Variants in NALF1 observed in about 807,000 individuals in gnomAD.
NALF1 encodes NALCN channel auxiliary factor 1, also known as family with sequence similarity 155 member A.
Under a neutral mutation model 48.4 loss-of-function variants are expected in NALF1, and 3 were observed. That is an observed-to-expected ratio of 0.06 (90% CI 0.03 to 0.16). NALF1 has a LOEUF of 0.16. NALF1 is among the 10% of genes least tolerant of loss of function. The pLI is 1.00. For synonymous variants in NALF1, 262 were observed against 245.7 expected, an observed-to-expected ratio of 1.07 and a Z score of -0.62; for missense variants, 526 against 571.5, an observed-to-expected ratio of 0.92 and a Z score of 0.81.
At chr13:107,242,559 T>C (rs752689662) in intron 1 of NALF1, among the ~76,000 whole-genome samples, 1 of 152,234 alleles carries the variant, frequency 6.6e-6, no homozygotes, top group Admixed American at 6.5e-5. Context: ...TTATGAATGA[T>C]ATGTTTTGAA....
intron 1 of NALF1, among the ~76,000 whole-genome samples, chr13:107,365,586 T>A (rs1044491675): frequency 6.6e-6 from 1 of 152,170 alleles, no homozygotes; most frequent in African/African-American, 2.4e-5. Context: ...ATGGTCCTTA[T>A]CAAAACTTAC....
chr13:107,395,065 T>C (rs1042087924), intron 1 of NALF1, among the ~76,000 whole-genome samples: 1 of 152,166 alleles, frequency 6.6e-6, no homozygotes, highest in African/African-American at 2.4e-5. Context: ...GTCCCCTTGC[T>C]AAAGAAATTA....
At chr13:107,171,966 T>C (rs1264744282) in intron 2 of NALF1, among the ~76,000 whole-genome samples, 1 of 152,214 alleles carries the variant, frequency 6.6e-6, no homozygotes, top group Admixed American at 6.5e-5. Context: ...TGAAAAACAA[T>C]AGTTATCAAT....
intron 1 of NALF1, among the ~76,000 whole-genome samples, chr13:107,642,318 A>G (rs1394456228): frequency 6.6e-6 from 1 of 152,198 alleles, no homozygotes; most frequent in East Asian, 1.9e-4. Flanking sequence ...TGCCCACACA[A>G]TAAGAATATA....
At chr13:107,632,878 T>C (rs1314406250) in intron 1 of NALF1, among the ~76,000 whole-genome samples, 1 of 136,070 alleles carries the variant, frequency 7.3e-6, no homozygotes, top group Non-Finnish European at 1.6e-5. Context: ...AAGACGGAAA[T>C]GAAGGCAGAA....
Position 107,651,621 on chromosome 13 carries a change from G to A in NALF1, c.915+214061C>T, listed in dbSNP as rs145991921. 7.4e-4 allele frequency among the ~76,000 whole-genome samples: 113 copies of A among 152,250 alleles called. No homozygotes were observed. The East Asian group carries it at 0.017, about 22-fold the overall frequency. ...TGGAGTATTAATTAGTTTTGAAATG[G>A]AGCAGACATTTCAGCTTACTTAACT... is the stretch of plus-strand genomic sequence containing the variant. On this transcript the variant is annotated intron_variant, in intron 1 of 2. Transcript: ENST00000375915.
Position 107,509,475 on chromosome 13 carries a change from G to A in NALF1, c.916-298720C>T, listed in dbSNP as rs565373281. Reference sequence around the variant, plus strand: ...GATTTAAATAGAAATCCAGATGTTAGAAAAATGGGTCTTTGAATATTCAGT... The same window carrying A: ...GATTTAAATAGAAATCCAGATGTTAAAAAAATGGGTCTTTGAATATTCAGT... On this transcript the variant is annotated intron_variant, in intron 1 of 2. Coordinates refer to ENST00000375915, the MANE Select transcript of NALF1 (RefSeq NM_001080396.3). Among the ~76,000 whole-genome samples the A allele has an allele frequency of 5.6e-4, 86 of 152,262 alleles. 3 individuals are homozygous for A. The highest frequency in any genetic ancestry group is 2.0e-3 in the African/African-American group (84 of 41,562).
At chr13:107,360,776 C>T (rs182024521) in intron 1 of NALF1, among the ~76,000 whole-genome samples, 1 of 152,290 alleles carries the variant, frequency 6.6e-6, no homozygotes, top group Admixed American at 6.5e-5. Context: ...CTTGTTCAAA[C>T]TAGAATGCAA....
At chr13:107,612,116 AGGG>A (rs1179688282) in intron 1 of NALF1, among the ~76,000 whole-genome samples, 1 of 27,606 alleles carries the variant, frequency 3.6e-5, no homozygotes, top group African/African-American at 1.6e-4. Flanking sequence ...GAGGAAGGGG[AGGG>A]GGGAGGGGAG....
rs544872621 is a variant in NALF1 at position 107,583,069 on chromosome 13, T to C, written c.915+282613A>G. On this transcript the variant is annotated intron_variant, in intron 1 of 2. Transcript: ENST00000375915. Reference sequence around the variant, plus strand: ...TAGGAGTAGGACTAGTTTCATCATTTACAGGAACACTTCTTGAAAGATTTC... The same window carrying C: ...TAGGAGTAGGACTAGTTTCATCATTCACAGGAACACTTCTTGAAAGATTTC... 6.6e-5 allele frequency among the ~76,000 whole-genome samples: 10 copies of C among 152,292 alleles called. No individual in the cohort carries two copies. The South Asian group carries it at 1.2e-3, about 19-fold the overall frequency.
At chr13:107,357,231 A>T (rs1380749571) in intron 1 of NALF1, among the ~76,000 whole-genome samples, 4 of 152,182 alleles carry the variant, frequency 2.6e-5, no homozygotes, top group Non-Finnish European at 5.9e-5. Flanking sequence ...CAGAAGGCAA[A>T]CGGGAAGCAA....
intron 1 of NALF1, among the ~76,000 whole-genome samples, chr13:107,827,279 T>C (rs1012761203): frequency 2.0e-5 from 3 of 152,260 alleles, no homozygotes; most frequent in Non-Finnish European, 4.4e-5. Flanking sequence ...TGTAGTCTTC[T>C]CAACTAAACT....
At chr13:107,704,575 C>A (rs1211020511) in intron 1 of NALF1, among the ~76,000 whole-genome samples, 2 of 151,914 alleles carry the variant, frequency 1.3e-5, no homozygotes, top group Non-Finnish European at 2.9e-5. Flanking sequence ...TATTTTGAGC[C>A]AGTTTTATAC....
intron 1 of NALF1, among the ~76,000 whole-genome samples, chr13:107,523,791 G>A (rs1876334093): frequency 6.6e-6 from 1 of 152,042 alleles, no homozygotes; most frequent in Non-Finnish European, 1.5e-5. Flanking sequence ...TCCCTAAAAT[G>A]AGGATTGATT....
intron 1 of NALF1, among the ~76,000 whole-genome samples, chr13:107,592,628 G>T (rs1878630138): frequency 6.6e-6 from 1 of 151,816 alleles, no homozygotes; most frequent in African/African-American, 2.4e-5. Flanking sequence ...CCTTGATTCA[G>T]CTTAACCTAG....
intron 1 of NALF1, among the ~76,000 whole-genome samples, chr13:107,511,923 C>T (rs1268890979): frequency 1.3e-5 from 2 of 152,234 alleles, no homozygotes; most frequent in African/African-American, 2.4e-5. Flanking sequence ...TTACCCCAAG[C>T]ACATCACCTT....
At chr13:107,330,493 G>A (rs1230223777) in intron 1 of NALF1, among the ~76,000 whole-genome samples, 1 of 152,154 alleles carries the variant, frequency 6.6e-6, no homozygotes, top group Non-Finnish European at 1.5e-5. Context: ...CATCTTGGTA[G>A]CTATTAAAGT....
chr13:107,467,730 C>G (rs1236178471), intron 1 of NALF1, among the ~76,000 whole-genome samples: 1 of 152,136 alleles, frequency 6.6e-6, no homozygotes, highest in Non-Finnish European at 1.5e-5. Flanking sequence ...AATTCTTATA[C>G]GATTTACAAT....
rs187386283 is a variant in NALF1, at chr13:107,402,619, T to C, written c.916-191864A>G. ...ACATGGTTTTAACTTATGTGTATGTTAGCTGGAGGTATTCTGCATCATTAA... is the reference window on the plus strand; with the variant it reads ...ACATGGTTTTAACTTATGTGTATGTCAGCTGGAGGTATTCTGCATCATTAA... On this transcript the variant is annotated intron_variant, in intron 1 of 2. Transcript: ENST00000375915. 4.6e-5 allele frequency among the ~76,000 whole-genome samples: 7 copies of C among 152,318 alleles called. No homozygotes were observed. In the East Asian group the frequency reaches 1.4e-3, roughly 29 times the overall value.
Sources: gnomAD v4.1 joint callset for allele counts (sites outside exome capture counted in the v4.1 genomes callset) on GRCh38, gnomAD v4.1.1 for gene constraint, MANE v1.5 for transcripts, NCBI Gene and HGNC (gene_info 2026-07-23, HGNC 2026-07-21) for gene names.